The following CNTN3 variants were observed in gnomAD, a reference collection of about 807,000 sequenced individuals.
CNTN3 encodes the protein contactin-3.
Under a neutral mutation model 119.1 loss-of-function variants are expected in CNTN3, and 60 were observed. The ratio of observed to expected loss-of-function variants is 0.50; its 90% CI spans 0.41 to 0.62. The LOEUF is 0.62. Among genes scored for constraint, CNTN3 ranks in the 20% least tolerant of loss-of-function variants. The pLI is 0.00. For synonymous variants in CNTN3, 450 were observed against 438.7 expected (o/e 1.03, Z -0.32); for missense variants, 1,101 against 1,242.4 (o/e 0.89, Z 1.71).
chr3:74,393,825 T>C (rs1365085006), intron 5 of CNTN3, among the ~76,000 whole-genome samples: 1 of 152,212 alleles, frequency 6.6e-6, no homozygotes, highest in African/African-American at 2.4e-5. Flanking sequence ...GACCTTTCAC[T>C]ACCCATCAAT....
Position 74,510,046 on chromosome 3 carries a change from CATAT to C in CNTN3, c.56-10265_56-10262del, listed in dbSNP as rs5850186. Reference sequence around the variant, plus strand: ...ATATATATACATATATATAAGTTTTCATATATATATATATGAAAACTTAGTAAAT... The same window carrying C: ...ATATATATACATATATATAAGTTTTCATATATATATGAAAACTTAGTAAAT... On this transcript the variant is annotated intron_variant, in intron 2 of 22. Transcript: ENST00000263665. 6.1e-5 allele frequency among the ~76,000 whole-genome samples: 9 copies of C among 147,780 alleles called. No individual in the cohort carries two copies. The East Asian group carries it at 8.0e-4, about 13-fold the overall frequency.
At chr3:74,481,116 A>G (rs1423728922) in intron 4 of CNTN3, among the ~76,000 whole-genome samples, 1 of 151,978 alleles carries the variant, frequency 6.6e-6, no homozygotes, top group Non-Finnish European at 1.5e-5. Flanking sequence ...TTAGACACAA[A>G]TAATTGACTA....
chr3:74,446,315 T>C (rs1455030273), intron 4 of CNTN3, among the ~76,000 whole-genome samples: 1 of 152,166 alleles, frequency 6.6e-6, no homozygotes, highest in Admixed American at 6.5e-5. Context: ...CATGCATTAA[T>C]TGTGGCAGAA....
intron 2 of CNTN3, among the ~76,000 whole-genome samples, chr3:74,504,264 G>A (rs1198055545): frequency 6.6e-6 from 1 of 152,144 alleles, no homozygotes; most frequent in Non-Finnish European, 1.5e-5. Flanking sequence ...CAGGGTGTAA[G>A]GGTAGGCAAT....
In CNTN3 at chr3:74,263,416, A is replaced by G. The variant is rs1701612531; in HGVS notation, c.*985T>C. ...TGAGGGATTATGTGGATTTTGTTTA[A>G]TATTTGGGTTGAGATTCAGGTCATT... On this transcript the variant is annotated 3_prime_UTR_variant, in exon 23 of 23. Coordinates refer to ENST00000263665, the MANE Select transcript of CNTN3 (RefSeq NM_020872.3). 1 of 152,104 alleles carries G rather than the reference A, an allele frequency of 6.6e-6. No homozygotes were observed. Among genetic ancestry groups the G allele is most frequent in the Non-Finnish European group, 1.5e-5 (1 of 67,992 alleles). 9.4% of individuals were successfully genotyped at this position (152,104 alleles called of 1,614,324 possible). A position where few individuals can be genotyped will look rare whatever the true frequency, so the allele number is the denominator to read the frequency against.
At chr3:74,312,280 T>C (rs941313007) in intron 13 of CNTN3, among the ~76,000 whole-genome samples, 10 of 151,454 alleles carry the variant, frequency 6.6e-5, no homozygotes, top group African/African-American at 2.4e-4. Flanking sequence ...GGTGAAACCA[T>C]GTCTCTACTA....
chr3:74,566,789 C>A (rs1438952052), intron 1 of CNTN3, among the ~76,000 whole-genome samples: 2 of 152,120 alleles, frequency 1.3e-5, no homozygotes, highest in African/African-American at 4.8e-5. Context: ...CAACACACAG[C>A]AATAGAGGCT....
intron 13 of CNTN3, among the ~76,000 whole-genome samples, chr3:74,325,773 T>A (rs916535809): frequency 3.3e-5 from 5 of 152,122 alleles, no homozygotes; most frequent in Non-Finnish European, 7.4e-5. Context: ...AGATCAACAG[T>A]ATATAAGAGA....
chr3:74,385,445 TGTTTTGACTATTGCTATCTCTGATC>T (rs939507960), intron 5 of CNTN3, among the ~76,000 whole-genome samples: 6 of 490 alleles, frequency 0.012, no homozygotes, highest in African/African-American at 0.012. Flanking sequence ...GACACAAAAG[TGTTTTGACTATTGCTATCTCTGATC>T]GTTAAAGTAA....
At chr3:74,557,573 TC>T (rs1704089586) in intron 1 of CNTN3, among the ~76,000 whole-genome samples, 5 of 152,140 alleles carry the variant, frequency 3.3e-5, no homozygotes, top group Non-Finnish European at 7.4e-5. Context: ...ATGGGAAATT[TC>T]TTTTTTCTAT....
intron 1 of CNTN3, among the ~76,000 whole-genome samples, chr3:74,523,132 T>C (rs567507881): frequency 3.2e-4 from 48 of 151,866 alleles, no homozygotes; most frequent in African/African-American, 1.1e-3. Flanking sequence ...ATATCCTATG[T>C]CCACAATTAT....
intron 4 of CNTN3, among the ~76,000 whole-genome samples, chr3:74,438,163 GTACTC>G (rs1159904519): frequency 6.6e-6 from 1 of 152,086 alleles, no homozygotes; most frequent in Non-Finnish European, 1.5e-5. Context: ...TCTTAATTAT[GTACTC>G]AAACATTTTT....
chr3:74,531,277 G>A (rs1208680333), intron 1 of CNTN3, among the ~76,000 whole-genome samples: 1 of 151,734 alleles, frequency 6.6e-6, no homozygotes, highest in African/African-American at 2.4e-5. Flanking sequence ...GAGTGGGTGG[G>A]GCTACCTGAG....
intron 13 of CNTN3, among the ~76,000 whole-genome samples, chr3:74,304,567 TTTA>T (rs1486748761): frequency 6.6e-6 from 1 of 152,178 alleles, no homozygotes; most frequent in Non-Finnish European, 1.5e-5. Flanking sequence ...GTGTCAGGAT[TTTA>T]TGTCCTCACA....
At chr3:74,507,697 T>A (rs1182756027) in intron 2 of CNTN3, among the ~76,000 whole-genome samples, 11 of 146,706 alleles carry the variant, frequency 7.5e-5, no homozygotes, top group Admixed American at 6.9e-5. Context: ...AGTGGCCCAA[T>A]CTTGACTCAC....
intron 11 of CNTN3, among the ~76,000 whole-genome samples, chr3:74,338,728 C>T (rs1214245280): frequency 1.3e-5 from 2 of 151,970 alleles, no homozygotes; most frequent in African/African-American, 4.8e-5. Flanking sequence ...GTTTGTTATG[C>T]ATATGATTTT....
At chr3:74,425,518 TA>T (rs967238132) in intron 4 of CNTN3, among the ~76,000 whole-genome samples, 6 of 152,166 alleles carry the variant, frequency 3.9e-5, no homozygotes, top group African/African-American at 1.4e-4. Flanking sequence ...AAATAGTGTC[TA>T]AAATGGCATG....
chr3:74,529,248 T>C (rs892769177), intron 1 of CNTN3, among the ~76,000 whole-genome samples: 3 of 151,880 alleles, frequency 2.0e-5, no homozygotes, highest in Non-Finnish European at 4.4e-5. Context: ...AATAAACTTT[T>C]CCAATGGATT....
At chr3:74,521,644 T>G (rs1048717454) in intron 1 of CNTN3, among the ~76,000 whole-genome samples, 4 of 151,888 alleles carry the variant, frequency 2.6e-5, no homozygotes, top group Non-Finnish European at 5.9e-5. Flanking sequence ...GCATTATCAA[T>G]GTCCATCTTA....
Sources: allele counts gnomAD v4.1 joint callset (sites outside exome capture counted in the v4.1 genomes callset), GRCh38; gene constraint gnomAD v4.1.1; transcripts MANE v1.5; gene names NCBI Gene and HGNC (gene_info 2026-07-23, HGNC 2026-07-21).